DFFB: variants seen among roughly 807,000 people sequenced by gnomAD.
The protein encoded by DFFB is DNA fragmentation factor subunit beta, also known as DNA fragmentation factor 40 kDa subunit.
A neutral mutation model predicts 32.7 loss-of-function variants in DFFB; 29 were observed. The observed-to-expected ratio is 0.89, with a 90% CI of 0.66 to 1.21. The LOEUF (loss-of-function observed/expected upper bound fraction) is 1.21. Among genes scored for constraint, DFFB ranks in the 50% most tolerant of loss-of-function variants. DFFB has a pLI of 0.00. For missense variants in DFFB, 398 were observed against 440.6 expected, an observed-to-expected ratio of 0.90 and a Z score of 0.87; for synonymous variants, 170 against 177.1, an observed-to-expected ratio of 0.96 and a Z score of 0.32.
chr1:3,881,593 T>C (rs1238516597), intron 6 of DFFB, among the ~76,000 whole-genome samples: 2 of 152,214 alleles, frequency 1.3e-5, no homozygotes, highest in Non-Finnish European at 1.5e-5. Context: ...AAGGTGACTT[T>C]TGGCTGGGTG....
chr1:3,873,048 G>A, intron 6 of DFFB: 2 of 1,176,724 alleles, frequency 1.7e-6, no homozygotes, highest in Non-Finnish European at 2.2e-6. Context: ...AGGCTAAAGT[G>A]CAGTGGCAGG....
intron 1 of DFFB, among the ~76,000 whole-genome samples, 198 bp downstream of exon 1, chr1:3,857,915 G>C (rs547993007): frequency 6.6e-5 from 10 of 152,292 alleles, no homozygotes; most frequent in African/African-American, 2.4e-4. Context: ...GGGGGTTGGG[G>C]GACGACCTGG....
intron 1 of DFFB, 44 bp from the exon 2 acceptor site, chr1:3,858,674 T>C: frequency 6.2e-7 from 1 of 1,603,294 alleles, no homozygotes; most frequent in Non-Finnish European, 8.5e-7. Flanking sequence ...AAAGCCCTCG[T>C]CTTGAGACCC....
chr1:3,870,963 G>A (rs1019445354), intron 5 of DFFB, among the ~76,000 whole-genome samples: 8 of 152,210 alleles, frequency 5.3e-5, no homozygotes, highest in South Asian at 2.1e-4. Context: ...GCTGGGCTGC[G>A]GACCACAGGG....
intron 5 of DFFB, 59 bp from the exon 6 acceptor site, chr1:3,872,413 A>AT: frequency 1.5e-6 from 2 of 1,310,724 alleles, no homozygotes; most frequent in East Asian, 2.4e-5. Context: ...CGCTGTCTCA[A>AT]GAAAAAAAAA....
chr1:3,877,914 G>C (rs1645257721), intron 6 of DFFB, among the ~76,000 whole-genome samples: 1 of 151,964 alleles, frequency 6.6e-6, no homozygotes, highest in Non-Finnish European at 1.5e-5. Context: ...CCTTTCCTTT[G>C]GCCTTTATGT....
intron 5 of DFFB, among the ~76,000 whole-genome samples, chr1:3,872,157 G>C (rs556432980): frequency 5.9e-5 from 9 of 152,314 alleles, no homozygotes; most frequent in African/African-American, 2.2e-4. Flanking sequence ...CTCAACGCCT[G>C]TAATCCCAGC....
At chr1:3,875,766 TTA>T (rs1645210003) in intron 6 of DFFB, among the ~76,000 whole-genome samples, 1 of 152,150 alleles carries the variant, frequency 6.6e-6, no homozygotes, top group Non-Finnish European at 1.5e-5. Flanking sequence ...ATGATATCTT[TTA>T]TCACAAGTTT....
chr1:3,865,469 G>C lies in DFFB; in HGVS notation c.242-343G>C, dbSNP rs1435241266. 6.6e-6 allele frequency among the ~76,000 whole-genome samples: 1 copy of C among 152,162 alleles called. No homozygotes were observed. The highest frequency in any genetic ancestry group is 1.5e-5 in the Non-Finnish European group (1 of 68,042). ...CAGGAGAGAGTAGGAAAAGTGATCG[G>C]AAGGATCTGAAAGCAAGGTCTCCAG... On this transcript the variant is annotated intron_variant, in intron 2 of 6. Transcript: ENST00000378209. This position sits in a 1 kb window ranked among gnomAD's most constrained non-coding sequence, Gnocchi z 4.7.
At chr1:3,881,796 G>C (rs1031432981) in intron 6 of DFFB, among the ~76,000 whole-genome samples, 7 of 151,990 alleles carry the variant, frequency 4.6e-5, no homozygotes, top group Admixed American at 3.3e-4. Flanking sequence ...CTTGAACCCA[G>C]GAGGCGGACA....
rs576596330 is a variant in DFFB, at chr1:3,867,234, G to A, written c.431-740G>A. Among the ~76,000 whole-genome samples the A allele has an allele frequency of 7.9e-5, 12 of 152,334 alleles. No individual in the cohort carries two copies. In the South Asian group the frequency reaches 2.1e-3, roughly 26 times the overall value. On this transcript the variant is annotated intron_variant, in intron 3 of 6. Coordinates refer to ENST00000378209, the MANE Select transcript of DFFB (RefSeq NM_004402.4). The stretch of plus-strand genomic sequence containing the variant: ...TTAAGGCCAAATGACAGTCCACTGC[G>A]TGTACATACCACGCCATCTATTCAC...
chr1:3,883,753 C>T lies in DFFB; in HGVS notation c.*12C>T. 6.2e-7 allele frequency: 1 copy of T among 1,609,720 alleles called. No homozygotes were observed. Among genetic ancestry groups the T allele is most frequent in the Non-Finnish European group, 8.5e-7 (1 of 1,176,140 alleles). ...GGAAACGCCAGTGACACGTACACAC[C>T]ACGTCCTGGTCTTTGTTTGAGGCCT... On this transcript the variant is annotated 3_prime_UTR_variant, in exon 7 of 7. Transcript: ENST00000378209.
chr1:3,876,655 G>A (rs1007884278), intron 6 of DFFB, among the ~76,000 whole-genome samples: 3 of 152,218 alleles, frequency 2.0e-5, no homozygotes, highest in Admixed American at 6.5e-5. Flanking sequence ...CTGGACTTAC[G>A]TAGCATCATG....
At chr1:3,875,622 A>G (rs931488270) in intron 6 of DFFB, among the ~76,000 whole-genome samples, 2 of 152,070 alleles carry the variant, frequency 1.3e-5, no homozygotes, top group Non-Finnish European at 2.9e-5. Flanking sequence ...TTTCCTGATG[A>G]CTAGGAAGGT....
chr1:3,861,200 T>C lies in DFFB; in HGVS notation c.241+2356T>C, dbSNP rs183315924. Among the ~76,000 whole-genome samples the C allele has an allele frequency of 4.8e-3, 728 of 151,670 alleles. 2 individuals are homozygous for C. Among genetic ancestry groups the C allele is most frequent in the Non-Finnish European group, 8.4e-3 (568 of 67,898 alleles). ...ATTAGGTAAGTGGAATCATAAAGTA[T>C]GTGACCTTTTGAGATGAGCCTTTTT... On this transcript the variant is annotated intron_variant, in intron 2 of 6. Transcript: ENST00000378209.
Position 3,865,791 on chromosome 1 carries a change from T to G in DFFB, c.242-21T>G, listed in dbSNP as rs748064829. On this transcript the variant is annotated intron_variant, in intron 2 of 6. Coordinates refer to ENST00000378209, the MANE Select transcript of DFFB (RefSeq NM_004402.4). The surrounding 1 kb of genome is among the most constrained non-coding windows in gnomAD (Gnocchi z 4.7). ...TGTCTTCTGCTGGACCGGCACCTTT[T>G]GTTTGTCCCATTGGTGGCAGATGTG... 1 of 1,614,088 alleles carries G rather than the reference T, an allele frequency of 6.2e-7. No individual in the cohort carries two copies. Among genetic ancestry groups the G allele is most frequent in the Non-Finnish European group, 8.5e-7 (1 of 1,180,028 alleles).
At chr1:3,878,077 G>A (rs910746418) in intron 6 of DFFB, among the ~76,000 whole-genome samples, 10 of 152,128 alleles carry the variant, frequency 6.6e-5, no homozygotes, top group African/African-American at 1.9e-4. Context: ...ACTCTGTGGG[G>A]TCCCTCGCTC....
Position 3,872,659 on chromosome 1 carries a change from C to T in DFFB, c.782+87C>T, listed in dbSNP as rs72848483. 6.8e-4 allele frequency: 836 copies of T among 1,226,622 alleles called. 3 individuals carry two copies. The African/African-American group carries it at 0.011, about 17-fold the overall frequency. 76.0% of individuals were successfully genotyped at this position (1,226,622 alleles called of 1,614,324 possible). On this transcript the variant is annotated intron_variant, in intron 6 of 6. Transcript: ENST00000378209. The stretch of plus-strand genomic sequence containing the variant: ...CCCTGTCCCTGCCATGGCCCTGTCC[C>T]TGCCACGGCCCTGTCCCTGCCACGG...
chr1:3,882,949 G>GTTGA (rs1008334427), intron 6 of DFFB, among the ~76,000 whole-genome samples: 1 of 151,396 alleles, frequency 6.6e-6, no homozygotes. Context: ...TGGAAAGGTG[G>GTTGA]TTGACCCCCT....
Sources: gnomAD v4.1 joint callset for allele counts (sites outside exome capture counted in the v4.1 genomes callset) on GRCh38, gnomAD v4.1.1 for gene constraint, Gnocchi (gnomAD v3.1) non-coding constraint, MANE v1.5 for transcripts, NCBI Gene and HGNC (gene_info 2026-07-23, HGNC 2026-07-21) for gene names.